DNAH8: variants seen among roughly 807,000 people sequenced by gnomAD.
DNAH8 encodes axonemal beta dynein heavy chain 8.
DNAH8 carries 382 observed loss-of-function variants against 562.1 expected under a neutral mutation model. The ratio of observed to expected loss-of-function variants is 0.68; its 90% CI spans 0.63 to 0.74. DNAH8 has a LOEUF of 0.74. Among genes scored for constraint, DNAH8 ranks in the 30% least tolerant of loss-of-function variants. The pLI is 0.00. For missense variants in DNAH8, 5,203 were observed against 5,620.4 expected, an observed-to-expected ratio of 0.93 and a Z score of 2.37; for synonymous variants, 1,881 against 1,919.4, an observed-to-expected ratio of 0.98 and a Z score of 0.52.
intron 21 of DNAH8, among the ~76,000 whole-genome samples, chr6:38,792,336 T>G: frequency 6.6e-6 from 1 of 152,128 alleles, no homozygotes; most frequent in East Asian, 1.9e-4. Context: ...GATCCACAGC[T>G]TTAGCCTCCC....
At chr6:38,789,969 ATTC>A (rs1363917252) in intron 19 of DNAH8, 86 bp downstream of exon 19, 5 of 1,022,556 alleles carry the variant, frequency 4.9e-6, no homozygotes, top group Non-Finnish European at 7.4e-6. Flanking sequence ...TGGAACATCT[ATTC>A]TTCTTTAGAC....
rs1763361437 is a variant in DNAH8 at position 38,971,650 on chromosome 6, G to C, written c.12510G>C (p.Gln4170His). Residue 4170 changes from glutamine (Q) to histidine (H), a missense_variant, in exon 83 of 93, where the codon CAG (glutamine) becomes CAC (histidine). Physicochemically the swap from Gln to His is conservative, Grantham distance 24. Coordinates refer to ENST00000327475, the MANE Select transcript of DNAH8 (RefSeq NM_001206927.2). ...GQEVHARKLI[Q>H]MSMQQGGWVL... is the part of the protein sequence containing the mutation. ...AAGTACATGCTCGAAAGCTGATTCA[G>C]ATGTCAATGCAGCAGGTATGTGACA... is the stretch of plus-strand genomic sequence containing the variant. 1 of 1,601,592 alleles carries C rather than the reference G, an allele frequency of 6.2e-7. No individual in the cohort carries two copies. The highest frequency in any genetic ancestry group is 1.1e-5 in the South Asian group (1 of 88,670).
chr6:38,989,956 C>T, intron 87 of DNAH8, 56 bp from the exon 88 acceptor site: 2 of 992,826 alleles, frequency 2.0e-6, no homozygotes, highest in Non-Finnish European at 3.0e-6. Context: ...TTTCTTGTAG[C>T]AGTTTTCATT....
chr6:38,866,465 G>A (rs1409897071), intron 45 of DNAH8, 126 bp from the exon 46 acceptor site: 4 of 651,672 alleles, frequency 6.1e-6, no homozygotes, highest in African/African-American at 5.5e-5. Context: ...GAGAAAACAA[G>A]AGTATTTTAT....
chr6:38,837,028 A>G (rs1011743534), intron 32 of DNAH8, among the ~76,000 whole-genome samples: 12 of 152,096 alleles, frequency 7.9e-5, no homozygotes, highest in African/African-American at 2.9e-4. Context: ...CCCACTCTTC[A>G]TAGTGAAGAG....
chr6:39,025,191 C>A (rs914578485), intron 91 of DNAH8, among the ~76,000 whole-genome samples: 1 of 152,148 alleles, frequency 6.6e-6, no homozygotes, highest in Non-Finnish European at 1.5e-5. Flanking sequence ...GGAATTGCCC[C>A]ATCTGGCAAA....
At chr6:39,028,615 C>T (rs1053832269) in intron 92 of DNAH8, among the ~76,000 whole-genome samples, 2 of 152,170 alleles carry the variant, frequency 1.3e-5, no homozygotes, top group African/African-American at 4.8e-5. Context: ...CAAATAATTA[C>T]ATTCTAAGGT....
At chr6:38,770,804 C>G (rs959998433) in intron 12 of DNAH8, among the ~76,000 whole-genome samples, 4 of 152,152 alleles carry the variant, frequency 2.6e-5, no homozygotes, top group African/African-American at 9.7e-5. Context: ...CTCAGTTTAC[C>G]TCTACCTATG....
At position 39,026,621 on chromosome 6, in the gene DNAH8, A is replaced by C; in HGVS notation, c.13790A>C (p.Asn4597Thr). 1 of 1,613,672 alleles carries C rather than the reference A, an allele frequency of 6.2e-7. No individual in the cohort carries two copies. The highest frequency in any genetic ancestry group is 8.5e-7 in the Non-Finnish European group (1 of 1,179,898). Residue 4597 changes from asparagine (N) to threonine (T), a missense_variant, in exon 92 of 93, where the codon AAT becomes ACT. Asn to Thr is a moderately conservative substitution (Grantham distance 65). Coordinates refer to ENST00000327475, the MANE Select transcript of DNAH8 (RefSeq NM_001206927.2). ...GCACTGGACACTGTGACCATCCACA[A>C]TGAAGTTCTGAGACAGACCAAGGAG... is the stretch of plus-strand genomic sequence containing the variant. ...GWALDTVTIH[N>T]EVLRQTKEEI...
In DNAH8 at chr6:38,798,057, G is replaced by C. The variant is rs113403548; in HGVS notation, c.2902-5122G>C. On this transcript the variant is annotated intron_variant, in intron 21 of 92. Coordinates refer to ENST00000327475, the MANE Select transcript of DNAH8 (RefSeq NM_001206927.2). Reference sequence around the variant, plus strand: ...CGTGTCCACTCCAGCCTGGGCCACAGAGCGAGACTCCGTCTCAAAAAAAAA... The same window carrying C: ...CGTGTCCACTCCAGCCTGGGCCACACAGCGAGACTCCGTCTCAAAAAAAAA... Among the ~76,000 whole-genome samples, 133 of 151,414 alleles carry C rather than the reference G, an allele frequency of 8.8e-4. 2 individuals carry two copies. The highest frequency in any genetic ancestry group is 3.0e-3 in the African/African-American group (125 of 41,154).
intron 80 of DNAH8, among the ~76,000 whole-genome samples, chr6:38,947,400 C>A (rs976983796): frequency 1.3e-5 from 2 of 152,142 alleles, no homozygotes; most frequent in African/African-American, 4.8e-5. Flanking sequence ...CCTTGGCATC[C>A]CAGGCCAAGG....
At position 39,004,270 on chromosome 6, in the gene DNAH8, CT is replaced by C. The variant is rs151144095; in HGVS notation, c.13215-4541del. 6.8e-3 allele frequency among the ~76,000 whole-genome samples: 1,042 copies of C among 152,182 alleles called. 35 individuals are homozygous for C. In the East Asian group the frequency reaches 0.092, roughly 13 times the overall value. ...ATTTACTTTCCTTTCTCTTAGATAA[CT>C]TTAGCTACAGTCACTCTCCTCCTGA... On this transcript the variant is annotated intron_variant, in intron 88 of 92. Coordinates refer to ENST00000327475, the MANE Select transcript of DNAH8 (RefSeq NM_001206927.2).
At chr6:38,769,091 T>TA (rs1767306411) in intron 11 of DNAH8, among the ~76,000 whole-genome samples, 1 of 152,232 alleles carries the variant, frequency 6.6e-6, no homozygotes, top group South Asian at 2.1e-4. Flanking sequence ...TTCTATTACA[T>TA]CTGAAATGTT....
In DNAH8 at chr6:38,931,930, C is replaced by T; in HGVS notation, c.11394C>T (p.Phe3798=). 1 of 1,611,186 alleles carries T rather than the reference C, an allele frequency of 6.2e-7. No individual in the cohort carries two copies. Among genetic ancestry groups the T allele is most frequent in the Non-Finnish European group, 8.5e-7 (1 of 1,178,870 alleles). The change falls in exon 76 of 93, where the codon TTC becomes TTT. Residue 3798 remains phenylalanine (F), a synonymous_variant. Transcript: ENST00000327475. ...ATGCTAAAACGTCAGTCATTGATTT[C>T]ACTGTTACAATGAAAGGACTTGAGA... The part of the protein sequence containing the change: ...EINAKTSVID[F]TVTMKGLENQ...
At chr6:38,979,508 T>A (rs1413137612) in intron 85 of DNAH8, among the ~76,000 whole-genome samples, 1 of 152,098 alleles carries the variant, frequency 6.6e-6, no homozygotes, top group Non-Finnish European at 1.5e-5. Context: ...CAAGGTAATT[T>A]AAAAAAATAG....
intron 5 of DNAH8, among the ~76,000 whole-genome samples, chr6:38,736,609 A>G (rs779615396): frequency 1.3e-5 from 2 of 152,126 alleles, no homozygotes; most frequent in South Asian, 4.1e-4. Context: ...AGATGTATCA[A>G]TTGAAAGGTC....
Position 38,851,574 on chromosome 6 carries a change from A to G in DNAH8, c.5366A>G (p.Tyr1789Cys). The G allele has an allele frequency of 6.3e-7, 1 of 1,595,706 alleles. No individual in the cohort carries two copies. The highest frequency in any genetic ancestry group is 1.1e-5 in the South Asian group (1 of 87,600). ...CATACTGTCGACTTTATTTGAAGGT[A>G]TTTGGAGAAGAAACGATTACTGTTT... Reference protein sequence around the residue: ...LEVCQKSLTGYLEKKRLLFPR... With the variant: ...LEVCQKSLTGCLEKKRLLFPR... The change falls in exon 39 of 93, where the codon TAT becomes TGT. Residue 1789 changes from tyrosine (Y) to cysteine (C), a missense_variant and splice_region_variant. By Grantham distance (194) the Tyr-to-Cys change is radical (BLOSUM62 -2). Transcript: ENST00000327475.
chr6:38,911,602 T>A lies in DNAH8; in HGVS notation c.9859+16T>A. The A allele has an allele frequency of 6.9e-7, 1 of 1,456,284 alleles. No individual in the cohort carries two copies. The highest frequency in any genetic ancestry group is 9.6e-7 in the Non-Finnish European group (1 of 1,038,182). The allele number at this position is 1,456,284 out of a possible 1,614,324, so 90.2% of individuals were successfully genotyped here. Reference sequence around the variant, plus strand: ...ATGAATATTGGTAAGAGGAATGGAATGGAATGGGATGGAATAGAAATAGGG... The same window carrying A: ...ATGAATATTGGTAAGAGGAATGGAAAGGAATGGGATGGAATAGAAATAGGG... On this transcript the variant is annotated intron_variant, in intron 66 of 92. Transcript: ENST00000327475.
chr6:38,950,515 C>T (rs961741252), intron 81 of DNAH8, among the ~76,000 whole-genome samples: 4 of 151,392 alleles, frequency 2.6e-5, no homozygotes, highest in Non-Finnish European at 1.5e-5. Context: ...TCTTGGCTCA[C>T]TGTAAGCTCC....
Sources: gnomAD v4.1 joint callset for allele counts (sites outside exome capture counted in the v4.1 genomes callset) on GRCh38, gnomAD v4.1.1 for gene constraint, MANE v1.5 for transcripts, NCBI Gene and HGNC (gene_info 2026-07-23, HGNC 2026-07-21) for gene names.